The following PELI2 variants were observed in gnomAD, a reference collection of about 807,000 sequenced individuals.
The protein encoded by PELI2 is E3 ubiquitin-protein ligase pellino homolog 2.
Under a neutral mutation model 42.3 loss-of-function variants are expected in PELI2, and 23 were observed. The ratio of observed to expected loss-of-function variants is 0.54; its 90% CI spans 0.39 to 0.77. The LOEUF (loss-of-function observed/expected upper bound fraction) is 0.77. Among genes scored for constraint, PELI2 ranks in the 30% least tolerant of loss-of-function variants. PELI2 has a pLI of 0.00. For missense variants in PELI2, 463 were observed against 553.2 expected, an observed-to-expected ratio of 0.84 and a Z score of 1.64; for synonymous variants, 245 against 212.2, an observed-to-expected ratio of 1.15 and a Z score of -1.34.
chr14:56,196,291 C>G (rs1469467489), intron 2 of PELI2, among the ~76,000 whole-genome samples: 1 of 152,070 alleles, frequency 6.6e-6, no homozygotes, highest in African/African-American at 2.4e-5. Context: ...AATTGTGAAC[C>G]CTGAAACTAG....
intron 2 of PELI2, among the ~76,000 whole-genome samples, chr14:56,182,430 G>A (rs71414108): frequency 4.6e-5 from 7 of 152,156 alleles, no homozygotes; most frequent in African/African-American, 1.7e-4. Flanking sequence ...TGGTGGTGAC[G>A]GTGTGGATAC....
chr14:56,136,928 G>C (rs1050570230), intron 1 of PELI2, among the ~76,000 whole-genome samples: 1 of 152,280 alleles, frequency 6.6e-6, no homozygotes, highest in East Asian at 1.9e-4. Flanking sequence ...TATAGAATTA[G>C]TGTGTTTCTC....
At chr14:56,150,361 T>A (rs1343078599) in intron 1 of PELI2, among the ~76,000 whole-genome samples, 3 of 152,250 alleles carry the variant, frequency 2.0e-5, no homozygotes, top group African/African-American at 7.2e-5. Context: ...CTATGTATGT[T>A]AATTGGTCCA....
rs557360969 is a variant in PELI2 at position 56,149,745 on chromosome 14, T to TA, written c.78-28586dup. Among the ~76,000 whole-genome samples, 6 of 152,344 alleles carry TA rather than the reference T, an allele frequency of 3.9e-5. No homozygotes were observed. The East Asian group carries it at 1.2e-3, about 29-fold the overall frequency. On this transcript the variant is annotated intron_variant, in intron 1 of 5. Transcript: ENST00000267460. ...TTTGCAGCATCTCTGAAAAATATCT[T>TA]AAAATCTCTAAAATATTGTGTATGT...
At chr14:56,211,799 G>T (rs550543884) in intron 2 of PELI2, among the ~76,000 whole-genome samples, 3 of 126,742 alleles carry the variant, frequency 2.4e-5, no homozygotes, top group Non-Finnish European at 5.5e-5. Context: ...TATTTAAAAG[G>T]CTCTTTTTTT....
At chr14:56,242,487 A>T (rs763661441) in intron 2 of PELI2, among the ~76,000 whole-genome samples, 6 of 152,200 alleles carry the variant, frequency 3.9e-5, no homozygotes, top group African/African-American at 4.8e-5. Flanking sequence ...TGATCCAGCA[A>T]CCCCATTACT....
At position 56,197,306 on chromosome 14, in the gene PELI2, A is replaced by G. The variant is rs866849943; in HGVS notation, c.207+18842A>G. 1.3e-5 allele frequency among the ~76,000 whole-genome samples: 2 copies of G among 152,330 alleles called. 1 individual carries two copies. Among genetic ancestry groups the G allele is most frequent in the Middle Eastern group, 6.8e-3 (2 of 294 alleles). ...AGTTATGAAGGCATACATAGAGTTTAGTCTTGCAAACAGAGAGGGGCAGAA... is the reference window on the plus strand; with the variant it reads ...AGTTATGAAGGCATACATAGAGTTTGGTCTTGCAAACAGAGAGGGGCAGAA... On this transcript the variant is annotated intron_variant, in intron 2 of 5. Coordinates refer to ENST00000267460, the MANE Select transcript of PELI2 (RefSeq NM_021255.3). This position sits in a 1 kb window ranked among gnomAD's most constrained non-coding sequence, Gnocchi z 4.9.
chr14:56,269,721 A>G (rs771136175), intron 2 of PELI2, among the ~76,000 whole-genome samples: 50 of 152,288 alleles, frequency 3.3e-4, no homozygotes, highest in Non-Finnish European at 5.4e-4. Flanking sequence ...ATTCAGCCCA[A>G]TCTGTACTAT....
intron 1 of PELI2, among the ~76,000 whole-genome samples, chr14:56,128,242 C>G (rs776100672): frequency 1.3e-5 from 2 of 152,264 alleles, no homozygotes; most frequent in Admixed American, 6.5e-5. Flanking sequence ...GGAAATGCCC[C>G]CCAGGGGTAC....
intron 5 of PELI2, 107 bp from the exon 6 acceptor site, chr14:56,296,493 C>G (rs1055796664): frequency 1.1e-5 from 8 of 737,216 alleles, no homozygotes; most frequent in Non-Finnish European, 1.8e-5. Context: ...TAAATTGCTT[C>G]CCTGTGTTAT....
chr14:56,154,737 T>TA (rs141798379), intron 1 of PELI2, among the ~76,000 whole-genome samples: 18,056 of 152,260 alleles, frequency 0.12, 1,347 homozygotes, highest in Middle Eastern at 0.17. Context: ...AAACTTGACT[T>TA]ACATTTCAAA....
chr14:56,193,854 A>G (rs1174621665), intron 2 of PELI2, among the ~76,000 whole-genome samples: 1 of 152,202 alleles, frequency 6.6e-6, no homozygotes. Context: ...AATTTGCCCC[A>G]GTTATGATGC....
intron 2 of PELI2, among the ~76,000 whole-genome samples, chr14:56,194,652 C>T (rs1280258631): frequency 1.3e-5 from 2 of 152,170 alleles, no homozygotes; most frequent in Non-Finnish European, 2.9e-5. Context: ...CATGTCTGCT[C>T]AGGGGCATCC....
intron 2 of PELI2, among the ~76,000 whole-genome samples, chr14:56,238,023 G>C (rs1347753320): frequency 6.6e-6 from 1 of 151,812 alleles, no homozygotes; most frequent in African/African-American, 2.4e-5. Flanking sequence ...TTTTTAATGG[G>C]CATATTAAGG....
intron 1 of PELI2, among the ~76,000 whole-genome samples, chr14:56,152,461 G>A (rs1884398323): frequency 6.6e-6 from 1 of 152,118 alleles, no homozygotes; most frequent in Admixed American, 6.5e-5. Flanking sequence ...ACAATTAACA[G>A]TCTGTTTATG....
chr14:56,248,783 T>C (rs1410402908), intron 2 of PELI2, among the ~76,000 whole-genome samples: 1 of 151,578 alleles, frequency 6.6e-6, no homozygotes, highest in Non-Finnish European at 1.5e-5. Flanking sequence ...CTGTTGCTGC[T>C]CCTTAGTATT....
intron 2 of PELI2, among the ~76,000 whole-genome samples, chr14:56,194,100 TGTACGTC>T (rs1239709672): frequency 6.6e-6 from 1 of 152,230 alleles, no homozygotes; most frequent in Non-Finnish European, 1.5e-5. Flanking sequence ...TTTATGGACT[TGTACGTC>T]GTAGGAAGCA....
At chr14:56,193,855 G>GT (rs1416682332) in intron 2 of PELI2, among the ~76,000 whole-genome samples, 1 of 152,154 alleles carries the variant, frequency 6.6e-6, no homozygotes, top group African/African-American at 2.4e-5. Context: ...ATTTGCCCCA[G>GT]TTATGATGCC....
intron 2 of PELI2, among the ~76,000 whole-genome samples, chr14:56,194,942 G>T (rs1886080991): frequency 6.6e-6 from 1 of 152,222 alleles, no homozygotes. Context: ...AGAGCCAGCT[G>T]TGCAAAATTA....
Sources: gnomAD v4.1 joint callset for allele counts (sites outside exome capture counted in the v4.1 genomes callset) on GRCh38, gnomAD v4.1.1 for gene constraint, Gnocchi (gnomAD v3.1) non-coding constraint, MANE v1.5 for transcripts, NCBI Gene and HGNC (gene_info 2026-07-23, HGNC 2026-07-21) for gene names.